The following GPRC5C variants were observed in gnomAD, a reference collection of about 807,000 sequenced individuals.
GPRC5C encodes the protein G protein-coupled receptor family C group 5 member C.
Under a neutral mutation model 31.4 loss-of-function variants are expected in GPRC5C, and 22 were observed. That is an observed-to-expected ratio of 0.70 (90% CI 0.50 to 1.00). GPRC5C has a LOEUF of 1.00. Ranked by LOEUF, GPRC5C falls within the 50% of genes least tolerant of loss-of-function variation. The pLI is 0.00. For missense variants in GPRC5C, 557 were observed against 597.2 expected (o/e 0.93, Z 0.70); for synonymous variants, 249 against 257.5 (o/e 0.97, Z 0.32).
At chr17:74,445,757 G>A (rs1343259406) in intron 3 of GPRC5C, 1 of 152,104 alleles carries the variant, frequency 6.6e-6, no homozygotes, top group Non-Finnish European at 1.5e-5. Flanking sequence ...CTTTCCTCCA[G>A]CATAGGAGCC....
At chr17:74,444,938 A>C (rs868351078) in intron 3 of GPRC5C, among the ~76,000 whole-genome samples, 6 of 152,146 alleles carry the variant, frequency 3.9e-5, no homozygotes, top group Non-Finnish European at 5.9e-5. Context: ...CACTAGCCTC[A>C]CCTGGGAGCC....
intron 1 of GPRC5C, among the ~76,000 whole-genome samples, chr17:74,438,622 C>T (rs901370423): frequency 2.0e-5 from 3 of 152,092 alleles, no homozygotes; most frequent in African/African-American, 7.2e-5. Context: ...TGGTCTCAAA[C>T]TCCTGGACTC....
intron 2 of GPRC5C, 157 bp from the exon 3 acceptor site, chr17:74,443,661 C>A (rs755552385): frequency 1.5e-6 from 1 of 658,104 alleles, no homozygotes. Context: ...ACAACCTCAC[C>A]CCCAAGTTGG....
chr17:74,443,932 C>T lies in GPRC5C; in HGVS notation c.1146+20C>T. On this transcript the variant is annotated intron_variant, in intron 3 of 3. Coordinates refer to ENST00000392627, the MANE Select transcript of GPRC5C (RefSeq NM_022036.4). Reference sequence around the variant, plus strand: ...GTTCCGGTAAGTGGGTTCCCCAGGTCCCCGTGACACGTCTGGGCTACAGAG... The same window carrying T: ...GTTCCGGTAAGTGGGTTCCCCAGGTTCCCGTGACACGTCTGGGCTACAGAG... 6.6e-7 allele frequency: 1 copy of T among 1,505,836 alleles called. No individual in the cohort carries two copies. Among genetic ancestry groups the T allele is most frequent in the Non-Finnish European group, 9.2e-7 (1 of 1,081,774 alleles). The allele number at this position is 1,505,836 out of a possible 1,614,324, so 93.3% of individuals were successfully genotyped here. A position where few individuals can be genotyped will look rare whatever the true frequency, so the allele number is the denominator to read the frequency against.
At chr17:74,434,383 C>T (rs1420249450) in intron 1 of GPRC5C, among the ~76,000 whole-genome samples, 2 of 152,166 alleles carry the variant, frequency 1.3e-5, no homozygotes, top group African/African-American at 4.8e-5. Context: ...CTTCCAAATG[C>T]CCACTGTGTT....
rs200769107 is a variant in GPRC5C, at chr17:74,440,496, G to A, written c.720G>A (p.Lys240=). Residue 240 remains lysine, a synonymous_variant, in exon 2 of 4, where the codon AAG becomes AAA. Coordinates refer to ENST00000392627, the MANE Select transcript of GPRC5C (RefSeq NM_022036.4). The surrounding 1 kb of genome is among the most constrained non-coding windows in gnomAD (Gnocchi z 4.4). ...ALCGRYKRWR[K]HGVFVLLTTA... is the part of the protein sequence containing the mutation. ...GTGGCCGCTACAAGCGCTGGCGTAA[G>A]CATGGGGTCTTTGTGCTCCTCACCA... The A allele has an allele frequency of 6.2e-7, 1 of 1,614,166 alleles. No homozygotes were observed. The highest frequency in any genetic ancestry group is 2.2e-5 in the East Asian group (1 of 44,886).
In GPRC5C at chr17:74,443,921, G is replaced by A; in HGVS notation, c.1146+9G>A. The A allele has an allele frequency of 1.3e-6, 2 of 1,577,960 alleles. No individual in the cohort carries two copies. The highest frequency in any genetic ancestry group is 1.1e-5 in the South Asian group (1 of 90,152). On this transcript the variant is annotated intron_variant, in intron 3 of 3. Transcript: ENST00000392627. ...TGATGCACAAAGTTCCGGTAAGTGG[G>A]TTCCCCAGGTCCCCGTGACACGTCT...
chr17:74,443,654 A>G (rs1277855013), intron 2 of GPRC5C, 164 bp from the exon 3 acceptor site: 4 of 676,248 alleles, frequency 5.9e-6, no homozygotes, highest in Non-Finnish European at 1.1e-5. Flanking sequence ...CGTGTTCACA[A>G]CCTCACCCCC....
downstream of GPRC5C, chr17:74,451,000 A>G (rs1279758471): frequency 6.6e-6 from 1 of 152,058 alleles, no homozygotes; most frequent in Non-Finnish European, 1.5e-5. Flanking sequence ...ACTTTTCCAG[A>G]GCTAAATTGG....
downstream of GPRC5C, chr17:74,448,946 C>G (rs1327238896): frequency 8.0e-7 from 1 of 1,250,078 alleles, no homozygotes; most frequent in Non-Finnish European, 1.0e-6. Context: ...GCACTTCCAG[C>G]CATGTGGTTG....
chr17:74,436,200 T>C (rs2055429438), intron 1 of GPRC5C, among the ~76,000 whole-genome samples: 1 of 152,228 alleles, frequency 6.6e-6, no homozygotes, highest in Non-Finnish European at 1.5e-5. Context: ...CAGCTGATAC[T>C]TGGCAAACTG....
In GPRC5C at chr17:74,447,175, T is replaced by C. The variant is rs1385013731; in HGVS notation, c.*147T>C. The C allele has an allele frequency of 1.2e-5, 17 of 1,431,052 alleles. No individual in the cohort carries two copies. Among genetic ancestry groups the C allele is most frequent in the Non-Finnish European group, 1.6e-5 (17 of 1,092,516 alleles). 88.6% of individuals were successfully genotyped at this position (1,431,052 alleles called of 1,614,324 possible). On this transcript the variant is annotated 3_prime_UTR_variant, in exon 4 of 4. Transcript: ENST00000392627. The stretch of plus-strand genomic sequence containing the variant: ...GGAAGGGCCTCCCTCTCTGCCAGTG[T>C]TTGGGTGGGTGTCATGGGTGTCCCC...
chr17:74,449,041 C>A, downstream of GPRC5C: 1 of 463,048 alleles, frequency 2.2e-6, no homozygotes, highest in Non-Finnish European at 3.8e-6. Context: ...CTGCTCCTCC[C>A]AGGCTTGGGA....
intron 1 of GPRC5C, among the ~76,000 whole-genome samples, chr17:74,435,685 G>T (rs1224176542): frequency 2.0e-5 from 3 of 152,222 alleles, no homozygotes; most frequent in Non-Finnish European, 4.4e-5. Flanking sequence ...ACTGGAGGTG[G>T]GGGCTTAGGG....
intron 1 of GPRC5C, among the ~76,000 whole-genome samples, chr17:74,434,076 C>T (rs2055396745): frequency 6.6e-6 from 1 of 152,102 alleles, no homozygotes; most frequent in South Asian, 2.1e-4. Flanking sequence ...CACTGACTCA[C>T]AGGAGAGCTG....
chr17:74,447,092 A>G lies in GPRC5C; in HGVS notation c.*64A>G. On this transcript the variant is annotated 3_prime_UTR_variant, in exon 4 of 4. Coordinates refer to ENST00000392627, the MANE Select transcript of GPRC5C (RefSeq NM_022036.4). ...GGCCCTGAGGACCTGGCCCCGGGCA[A>G]GGGACTCTCCAGGCTCCTCCTCCCC... 1.3e-6 allele frequency: 2 copies of G among 1,557,914 alleles called. No individual in the cohort carries two copies. Among genetic ancestry groups the G allele is most frequent in the African/African-American group, 1.4e-5 (1 of 73,624 alleles).
At chr17:74,437,702 T>C (rs1047553226) in intron 1 of GPRC5C, among the ~76,000 whole-genome samples, 4 of 151,618 alleles carry the variant, frequency 2.6e-5, no homozygotes, top group African/African-American at 9.8e-5. Flanking sequence ...GGGCTTTTGT[T>C]TGCCTATTAG....
chr17:74,450,469 T>C (rs1048367), downstream of GPRC5C: 94,639 of 152,134 alleles, frequency 0.62, 32,186 homozygotes, highest in East Asian at 0.84. Context: ...GTGGGAGGCC[T>C]GTGAGATCCA....
chr17:74,448,020 C>A (rs961392624), downstream of GPRC5C, among the ~76,000 whole-genome samples: 1 of 152,174 alleles, frequency 6.6e-6, no homozygotes, highest in African/African-American at 2.4e-5. Flanking sequence ...ATTAAAATGT[C>A]CATTTATGCG....
Sources: gnomAD v4.1 joint callset for allele counts (sites outside exome capture counted in the v4.1 genomes callset) on GRCh38, gnomAD v4.1.1 for gene constraint, Gnocchi (gnomAD v3.1) non-coding constraint, MANE v1.5 for transcripts, NCBI Gene and HGNC (gene_info 2026-07-23, HGNC 2026-07-21) for gene names.